Variants in RASGRF2 observed in about 807,000 individuals in gnomAD.
RASGRF2 encodes the protein ras-specific guanine nucleotide-releasing factor 2.
RASGRF2 carries 76 observed loss-of-function variants against 151.0 expected under a neutral mutation model. The ratio of observed to expected loss-of-function variants is 0.50; its 90% confidence interval spans 0.42 to 0.61. The LOEUF (loss-of-function observed/expected upper bound fraction) is 0.61, where lower values mean the gene tolerates loss of function less well. Ranked by LOEUF, RASGRF2 falls within the 20% of genes least tolerant of loss-of-function variation. RASGRF2 has a pLI of 0.00. For missense variants in RASGRF2, 1,148 were observed against 1,564.6 expected (o/e 0.73, Z 4.49); for synonymous variants, 504 against 566.5 (o/e 0.89, Z 1.57).
chr5:81,039,151 GATA>G (rs1438141493), intron 1 of RASGRF2, among the ~76,000 whole-genome samples: 2 of 152,034 alleles, frequency 1.3e-5, no homozygotes, highest in African/African-American at 2.4e-5. Context: ...CTTAGAATTA[GATA>G]ATAACATTTT....
intron 1 of RASGRF2, among the ~76,000 whole-genome samples, chr5:81,009,171 C>T (rs866240761): frequency 6.6e-6 from 1 of 152,206 alleles, no homozygotes; most frequent in Non-Finnish European, 1.5e-5. Context: ...AAATTATGGG[C>T]TCATGACGAG....
intron 1 of RASGRF2, among the ~76,000 whole-genome samples, chr5:81,033,853 G>T (rs907024113): frequency 6.6e-6 from 1 of 152,112 alleles, no homozygotes; most frequent in Admixed American, 6.5e-5. Flanking sequence ...CCATCAGAGC[G>T]AACAGGCAAC....
At chr5:81,188,001 G>A (rs984203716) in intron 18 of RASGRF2, among the ~76,000 whole-genome samples, 7 of 152,140 alleles carry the variant, frequency 4.6e-5, no homozygotes, top group Non-Finnish European at 8.8e-5. Flanking sequence ...CAGAATTTTC[G>A]GTGTGGGCAG....
intron 1 of RASGRF2, among the ~76,000 whole-genome samples, chr5:81,029,611 A>C (rs1750164679): frequency 1.3e-5 from 2 of 152,232 alleles, no homozygotes; most frequent in Admixed American, 6.5e-5. Context: ...GAAAACTAAC[A>C]AACAGAAAGG....
chr5:81,031,600 A>G (rs1327606105), intron 1 of RASGRF2, among the ~76,000 whole-genome samples: 6 of 152,224 alleles, frequency 3.9e-5, no homozygotes, highest in Admixed American at 1.3e-4. Flanking sequence ...TTTGAAACCA[A>G]TGAGAACAAA....
At chr5:81,102,915 G>T (rs1025989319) in intron 12 of RASGRF2, among the ~76,000 whole-genome samples, 2 of 152,110 alleles carry the variant, frequency 1.3e-5, no homozygotes, top group Admixed American at 6.5e-5. Flanking sequence ...TACAAATCTT[G>T]TGAGTAAATT....
At chr5:81,072,122 A>C (rs1751795414) in intron 4 of RASGRF2, among the ~76,000 whole-genome samples, 1 of 152,192 alleles carries the variant, frequency 6.6e-6, no homozygotes, top group South Asian at 2.1e-4. Context: ...CAATGAATGA[A>C]TCGTTTCTCT....
intron 14 of RASGRF2, 22 bp from the exon 15 acceptor site, chr5:81,113,516 C>T: frequency 1.0e-5 from 16 of 1,582,242 alleles, no homozygotes; most frequent in Non-Finnish European, 1.3e-5. Context: ...AATCTCTTAG[C>T]CACTTTTGCT....
At chr5:81,220,760 T>C (rs1183325762) in intron 26 of RASGRF2, among the ~76,000 whole-genome samples, 1 of 152,146 alleles carries the variant, frequency 6.6e-6, no homozygotes, top group Non-Finnish European at 1.5e-5. Flanking sequence ...GAGCCACTGC[T>C]CTCAGCCAAT....
At chr5:81,036,538 C>A (rs988557673) in intron 1 of RASGRF2, among the ~76,000 whole-genome samples, 4 of 152,062 alleles carry the variant, frequency 2.6e-5, no homozygotes, top group Non-Finnish European at 2.9e-5. Flanking sequence ...CCCCCACATC[C>A]AATTTGCTTA....
chr5:80,977,543 A>C (rs1748160917), intron 1 of RASGRF2, among the ~76,000 whole-genome samples: 1 of 151,768 alleles, frequency 6.6e-6, no homozygotes, highest in South Asian at 2.1e-4. Context: ...GCTCACTGCG[A>C]CCTCCATCTC....
intron 2 of RASGRF2, among the ~76,000 whole-genome samples, chr5:81,048,588 C>G (rs995425699): frequency 5.9e-5 from 9 of 152,300 alleles, no homozygotes; most frequent in Admixed American, 2.6e-4. Context: ...TAGCATCCAG[C>G]TGAAAAGGCA....
intron 12 of RASGRF2, among the ~76,000 whole-genome samples, chr5:81,105,960 T>A (rs16878461): frequency 0.02 from 3,066 of 152,334 alleles, 80 homozygotes; most frequent in African/African-American, 0.058. Flanking sequence ...CATTTCCCAG[T>A]ACTTAGCCCA....
intron 1 of RASGRF2, among the ~76,000 whole-genome samples, chr5:80,981,630 A>G (rs757041320): frequency 3.3e-5 from 5 of 152,062 alleles, no homozygotes; most frequent in African/African-American, 4.8e-5. Context: ...CAGTGGCATG[A>G]TCTTGGCTCA....
chr5:81,110,230 A>G (rs1752958011), intron 13 of RASGRF2, among the ~76,000 whole-genome samples: 1 of 152,188 alleles, frequency 6.6e-6, no homozygotes, highest in Admixed American at 6.5e-5. Context: ...TCCTTTTAAA[A>G]CTTACCAATT....
chr5:81,118,606 C>G (rs936598683), intron 15 of RASGRF2, among the ~76,000 whole-genome samples: 1 of 152,200 alleles, frequency 6.6e-6, no homozygotes, highest in Non-Finnish European at 1.5e-5. Context: ...AGCGAAAGGT[C>G]ACTTGGCCAC....
chr5:81,117,220 G>C (rs1195304059), intron 15 of RASGRF2, among the ~76,000 whole-genome samples: 2 of 152,054 alleles, frequency 1.3e-5, no homozygotes, highest in Admixed American at 1.3e-4. Flanking sequence ...TTAGACTTGG[G>C]GTATCTTACT....
At position 81,109,589 on chromosome 5, in the gene RASGRF2, C is replaced by G. The variant is rs1158574357; in HGVS notation, c.1838+511C>G. ...GCTGAGGCAGGAGAATCACTTGAAC[C>G]CAGGAGGCAGAGGTTGCAGTGAGCC... On this transcript the variant is annotated intron_variant, in intron 13 of 26. Transcript: ENST00000265080. 3.9e-5 allele frequency among the ~76,000 whole-genome samples: 6 copies of G among 152,208 alleles called. No homozygotes were observed. In the East Asian group the frequency reaches 1.2e-3, roughly 29 times the overall value.
At chr5:81,030,735 G>A (rs1166609165) in intron 1 of RASGRF2, among the ~76,000 whole-genome samples, 8 of 152,168 alleles carry the variant, frequency 5.3e-5, no homozygotes, top group African/African-American at 7.2e-5. Context: ...GGAAGAAACC[G>A]CATCAACTAA....
Sources: gnomAD v4.1 joint callset for allele counts (sites outside exome capture counted in the v4.1 genomes callset) on GRCh38, gnomAD v4.1.1 for gene constraint, MANE v1.5 for transcripts, NCBI Gene and HGNC (gene_info 2026-07-23, HGNC 2026-07-21) for gene names.